Variants in GRM8 observed in about 807,000 individuals in gnomAD.
GRM8 encodes glutamate metabotropic receptor 8.
Under a neutral mutation model 87.2 loss-of-function variants are expected in GRM8, and 47 were observed. The observed-to-expected ratio is 0.54, with a 90% confidence interval of 0.43 to 0.69. The LOEUF is 0.69. Ranked by LOEUF, GRM8 falls within the 30% of genes least tolerant of loss-of-function variation. The probability of loss-of-function intolerance (pLI) is 0.00; values close to 1 mark genes in which losing one functional copy is unlikely to be tolerated. For missense variants in GRM8, 1,019 were observed against 1,139.2 expected (o/e 0.89, Z 1.52); for synonymous variants, 396 against 404.5 (o/e 0.98, Z 0.25).
intron 2 of GRM8, among the ~76,000 whole-genome samples, chr7:127,203,038 T>C (rs1223281129): frequency 6.6e-6 from 1 of 152,252 alleles, no homozygotes; most frequent in African/African-American, 2.4e-5. Context: ...AAATGCTACA[T>C]ACCAAGTTTT....
intron 2 of GRM8, among the ~76,000 whole-genome samples, chr7:127,161,705 A>G (rs547807286): frequency 1.6e-4 from 24 of 152,274 alleles, no homozygotes; most frequent in East Asian, 5.8e-4. Flanking sequence ...TAAATAACTA[A>G]TTTCTATAAG....
In GRM8 at chr7:127,206,005, C is replaced by T. The variant is rs531417305; in HGVS notation, c.510+36690G>A. 2.4e-4 allele frequency among the ~76,000 whole-genome samples: 37 copies of T among 152,318 alleles called. No individual in the cohort carries two copies. The South Asian group carries it at 5.4e-3, about 22-fold the overall frequency. On this transcript the variant is annotated intron_variant, in intron 2 of 10. Transcript: ENST00000339582. ...AAGAGCCACAGTCCACCTTGGACTCCGTTAGGAAGCCCTGCCAGGTATAGA... is the reference window on the plus strand; with the variant it reads ...AAGAGCCACAGTCCACCTTGGACTCTGTTAGGAAGCCCTGCCAGGTATAGA...
rs1798423522 is a variant in GRM8, at chr7:127,243,523, G to A, written c.-311-8C>T. On this transcript the variant is annotated splice_polypyrimidine_tract_variant and splice_region_variant and intron_variant, in intron 1 of 10. Transcript: ENST00000339582. ...CTTGTAGCAGAATTATTCCTGGGAAGAGGGGAAAAAAGGGGGTTCAGTTCA... is the reference window on the plus strand; with the variant it reads ...CTTGTAGCAGAATTATTCCTGGGAAAAGGGGAAAAAAGGGGGTTCAGTTCA... The A allele has an allele frequency of 9.8e-6, 3 of 305,260 alleles. No homozygotes were observed. Among genetic ancestry groups the A allele is most frequent in the South Asian group, 6.7e-5 (1 of 14,890 alleles). 18.9% of individuals were successfully genotyped at this position (305,260 alleles called of 1,614,324 possible).
chr7:127,207,093 T>A (rs929447119), intron 2 of GRM8, among the ~76,000 whole-genome samples: 18 of 152,228 alleles, frequency 1.2e-4, no homozygotes, highest in African/African-American at 4.3e-4. Flanking sequence ...CAGCCACTTT[T>A]TATTAAACAC....
intron 7 of GRM8, among the ~76,000 whole-genome samples, chr7:126,649,420 C>T (rs1028753173): frequency 6.6e-6 from 1 of 152,212 alleles, no homozygotes; most frequent in Admixed American, 6.5e-5. Context: ...CCTCAAATAT[C>T]GGACTCCAAG....
rs1014874246 is a variant in GRM8 at position 126,500,580 on chromosome 7, G to T, written c.2430+32372C>A. On this transcript the variant is annotated intron_variant, in intron 9 of 10. Coordinates refer to ENST00000339582, the MANE Select transcript of GRM8 (RefSeq NM_000845.3). ...TACTTAGAGGAAAGATCAGAGATCA[G>T]AACAATATGTTTGGAAAAGAACAGT... is the stretch of plus-strand genomic sequence containing the variant. 2.0e-5 allele frequency among the ~76,000 whole-genome samples: 3 copies of T among 151,936 alleles called. 1 individual carries two copies. Among genetic ancestry groups the T allele is most frequent in the African/African-American group, 7.2e-5 (3 of 41,400 alleles).
At chr7:126,490,505 G>T (rs771682572) in intron 9 of GRM8, among the ~76,000 whole-genome samples, 1 of 152,032 alleles carries the variant, frequency 6.6e-6, no homozygotes, top group Non-Finnish European at 1.5e-5. Flanking sequence ...TTAAAATTAG[G>T]TTAGAAGAAA....
intron 2 of GRM8, among the ~76,000 whole-genome samples, chr7:127,174,827 T>A (rs1794006030): frequency 6.6e-6 from 1 of 152,342 alleles, no homozygotes; most frequent in African/African-American, 2.4e-5. Context: ...AGTTCTAAGC[T>A]GGTAATTTTC....
rs1359775157 is a variant in GRM8 at position 127,091,835 on chromosome 7, G to A, written c.727+14661C>T. Among the ~76,000 whole-genome samples, 19 of 50,176 alleles carry A rather than the reference G, an allele frequency of 3.8e-4. 1 individual carries two copies. The highest frequency in any genetic ancestry group is 3.3e-4 in the Non-Finnish European group (9 of 26,924). The allele number at this position is 50,176 out of a possible 152,430, so 32.9% of individuals were successfully genotyped here. A position where few individuals can be genotyped will look rare whatever the true frequency, so the allele number is the denominator to read the frequency against. On this transcript the variant is annotated intron_variant, in intron 3 of 10. Coordinates refer to ENST00000339582, the MANE Select transcript of GRM8 (RefSeq NM_000845.3). ...CTGGTCATCCCGCCGTCTGGCTGGC[G>A]ACCCCCCGGCCGTCCCGCCAATGAC... is the stretch of plus-strand genomic sequence containing the variant.
At chr7:126,936,788 CG>C (rs1563332910) in intron 3 of GRM8, among the ~76,000 whole-genome samples, 1 of 152,070 alleles carries the variant, frequency 6.6e-6, no homozygotes, top group Admixed American at 6.6e-5. Context: ...CAGAAGGAAT[CG>C]GGGCTTTCTC....
chr7:126,539,773 C>T (rs2150890642), intron 8 of GRM8, among the ~76,000 whole-genome samples: 1 of 151,492 alleles, frequency 6.6e-6, no homozygotes, highest in East Asian at 1.9e-4. Context: ...AGTTATACAC[C>T]TACCTCACAC....
At chr7:126,779,710 A>G (rs933834620) in intron 6 of GRM8, among the ~76,000 whole-genome samples, 4 of 152,074 alleles carry the variant, frequency 2.6e-5, no homozygotes, top group African/African-American at 9.7e-5. Context: ...GTAGCTTTAT[A>G]AAATGATTTA....
At chr7:127,197,765 G>A (rs974027616) in intron 2 of GRM8, among the ~76,000 whole-genome samples, 3 of 152,128 alleles carry the variant, frequency 2.0e-5, no homozygotes, top group Non-Finnish European at 2.9e-5. Context: ...AAGGTAAAAG[G>A]GAGAACATTA....
intron 6 of GRM8, among the ~76,000 whole-genome samples, chr7:126,868,150 G>C (rs1202276328): frequency 6.6e-6 from 1 of 152,178 alleles, no homozygotes; most frequent in Admixed American, 6.5e-5. Flanking sequence ...TCCTGCCTGT[G>C]ACCTCTCCAA....
In GRM8 at chr7:126,540,420, T is replaced by C. The variant is rs559073887; in HGVS notation, c.1495-6533A>G. Among the ~76,000 whole-genome samples the C allele has an allele frequency of 5.9e-5, 9 of 152,250 alleles. 1 individual carries two copies. Among genetic ancestry groups the C allele is most frequent in the African/African-American group, 1.9e-4 (8 of 41,556 alleles). On this transcript the variant is annotated intron_variant, in intron 8 of 10. Coordinates refer to ENST00000339582, the MANE Select transcript of GRM8 (RefSeq NM_000845.3). ...CTAAACATAGGGTTTTGATATGACC[T>C]AGCAATTCCACTTCTAGGTATATAC... is the stretch of plus-strand genomic sequence containing the variant.
At chr7:126,473,011 G>C (rs1265611894) in intron 9 of GRM8, among the ~76,000 whole-genome samples, 1 of 152,194 alleles carries the variant, frequency 6.6e-6, no homozygotes, top group African/African-American at 2.4e-5. Flanking sequence ...TGATGTCCAG[G>C]CAGAGGTGTG....
At chr7:127,105,213 C>T (rs1825696309) in intron 3 of GRM8, 1 of 151,910 alleles carries the variant, frequency 6.6e-6, no homozygotes, top group African/African-American at 2.4e-5. Flanking sequence ...ATTTAAAGAC[C>T]AATTGAATGT....
chr7:127,144,711 T>A (rs549973873), intron 2 of GRM8, among the ~76,000 whole-genome samples: 5 of 152,102 alleles, frequency 3.3e-5, no homozygotes, highest in Non-Finnish European at 7.4e-5. Context: ...GTTCTCACTG[T>A]CAGTGAGGCA....
intron 3 of GRM8, among the ~76,000 whole-genome samples, chr7:126,941,108 C>T (rs558518666): frequency 6.6e-6 from 1 of 152,278 alleles, no homozygotes; most frequent in East Asian, 1.9e-4. Flanking sequence ...TAGTCATGAG[C>T]ATTTGTCATC....
Sources: allele counts gnomAD v4.1 joint callset (sites outside exome capture counted in the v4.1 genomes callset), GRCh38; gene constraint gnomAD v4.1.1; transcripts MANE v1.5; gene names NCBI Gene and HGNC (gene_info 2026-07-23, HGNC 2026-07-21).